Variants in IFT22 observed in about 807,000 individuals in gnomAD.
IFT22 encodes intraflagellar transport protein 22 homolog.
A neutral mutation model predicts 21.0 loss-of-function variants in IFT22; 13 were observed. The ratio of observed to expected loss-of-function variants is 0.62; its 90% confidence interval spans 0.40 to 0.98. IFT22 has a LOEUF of 0.98. IFT22 is among the 50% of genes least tolerant of loss of function. The pLI is 0.00. For synonymous variants in IFT22, 67 were observed against 82.4 expected (o/e 0.81, Z 1.01); for missense variants, 227 against 228.9 (o/e 0.99, Z 0.06).
In IFT22 at chr7:101,318,809, T is replaced by A. The variant is rs1031407210; in HGVS notation, c.116+147A>T. ...ATGCCAACACACCTGGCTAATGTTT[T>A]ATTTTTAGTTGAGACGGGGTCTCCC... On this transcript the variant is annotated intron_variant, in intron 2 of 4. Transcript: ENST00000315322. 3 of 612,262 alleles carry A rather than the reference T, an allele frequency of 4.9e-6. No homozygotes were observed. The African/African-American group carries it at 5.6e-5, about 11-fold the overall frequency. The allele number at this position is 612,262 out of a possible 1,614,324, so 37.9% of individuals were successfully genotyped here. A position where few individuals can be genotyped will look rare whatever the true frequency, so the allele number is the denominator to read the frequency against.
Position 101,312,102 on chromosome 7 carries a change from T to A in IFT22, c.*3032A>T, listed in dbSNP as rs1268782160. On this transcript the variant is annotated 3_prime_UTR_variant, in exon 5 of 5. Transcript: ENST00000315322. The stretch of plus-strand genomic sequence containing the variant: ...TTTACCAATTTGGTGTTATGAAAAA[T>A]TTTTTAGAGGTTGTGTATGGGCTGG... Among the ~76,000 whole-genome samples the A allele has an allele frequency of 6.6e-6, 1 of 151,882 alleles. No homozygotes were observed. Among genetic ancestry groups the A allele is most frequent in the Non-Finnish European group, 1.5e-5 (1 of 68,000 alleles).
chr7:101,321,670 C>A lies in IFT22; in HGVS notation c.39+1G>T, dbSNP rs1584318325. ...CTCTGCCGCGCCGGGCCAGGACTTA[C>A]CTCGCAAGGCCCCACGAAGAGGATC... is the stretch of plus-strand genomic sequence containing the variant. On this transcript the variant is annotated splice_donor_variant, in intron 1 of 4. Coordinates refer to ENST00000315322, the MANE Select transcript of IFT22 (RefSeq NM_022777.4). LOFTEE classifies it high-confidence loss of function. The A allele has an allele frequency of 1.2e-6, 2 of 1,601,432 alleles. No individual in the cohort carries two copies. The highest frequency in any genetic ancestry group is 2.3e-5 in the East Asian group (1 of 44,332).
chr7:101,318,291 G>A (rs1584313546), intron 2 of IFT22, 78 bp from the exon 3 acceptor site: 3 of 1,089,738 alleles, frequency 2.8e-6, no homozygotes, highest in African/African-American at 3.1e-5. Context: ...AGGCCAAGGC[G>A]GGCAGATCAC....
At chr7:101,318,719 C>CTCCA (rs1335408007) in intron 2 of IFT22, 25 of 464,418 alleles carry the variant, frequency 5.4e-5, no homozygotes, top group Non-Finnish European at 8.2e-5. Context: ...TCACTGCAGC[C>CTCCA]TCCAACTCCT....
chr7:101,318,710 C>G, intron 2 of IFT22: 1 of 448,708 alleles, frequency 2.2e-6, no homozygotes. Flanking sequence ...GATCATAGCT[C>G]ACTGCAGCCT....
chr7:101,316,636 CTAT>C (rs1790164001), intron 3 of IFT22, 94 bp from the exon 4 acceptor site: 1 of 1,323,692 alleles, frequency 7.6e-7, no homozygotes, highest in African/African-American at 1.5e-5. Context: ...AAAAGTTGGT[CTAT>C]GACGGCTGGG....
At position 101,313,113 on chromosome 7, in the gene IFT22, C is replaced by T. The variant is rs924035480; in HGVS notation, c.*2021G>A. On this transcript the variant is annotated 3_prime_UTR_variant, in exon 5 of 5. Coordinates refer to ENST00000315322, the MANE Select transcript of IFT22 (RefSeq NM_022777.4). ...ACTCCCAAAGTGTTGGGATTACAGG[C>T]GTAAGCCACTGCACCCGGCCTCCAG... Among the ~76,000 whole-genome samples, 6 of 152,040 alleles carry T rather than the reference C, an allele frequency of 3.9e-5. No homozygotes were observed. Among genetic ancestry groups the T allele is most frequent in the East Asian group, 3.9e-4 (2 of 5,178 alleles).
At chr7:101,316,577 G>GAAACCA in intron 3 of IFT22, 35 bp from the exon 4 acceptor site, 1 of 1,601,616 alleles carries the variant, frequency 6.2e-7, no homozygotes. Flanking sequence ...GGGAAAGTTA[G>GAAACCA]GTCATTCTGG....
rs1399216774 is a variant in IFT22 at position 101,312,061 on chromosome 7, A to G, written c.*3073T>C. 6.6e-6 allele frequency among the ~76,000 whole-genome samples: 1 copy of G among 152,096 alleles called. No individual in the cohort carries two copies. The highest frequency in any genetic ancestry group is 2.4e-5 in the African/African-American group (1 of 41,420). Reference sequence around the variant, plus strand: ...ACCGTATCTAGTGATTCTGTACATTAAATCTTTTGAACATGTTTACCAATT... The same window carrying G: ...ACCGTATCTAGTGATTCTGTACATTGAATCTTTTGAACATGTTTACCAATT... On this transcript the variant is annotated 3_prime_UTR_variant, in exon 5 of 5. Transcript: ENST00000315322.
intron 1 of IFT22, among the ~76,000 whole-genome samples, chr7:101,320,055 C>T (rs1323570826): frequency 6.6e-6 from 1 of 151,852 alleles, no homozygotes; most frequent in Non-Finnish European, 1.5e-5. Context: ...CTCCCGGATT[C>T]AAGCAATTCT....
At chr7:101,316,231 G>T in intron 4 of IFT22, 109 bp downstream of exon 4, 1 of 1,005,638 alleles carries the variant, frequency 9.9e-7, no homozygotes, top group Non-Finnish European at 1.6e-6. Context: ...CTAGGGTACA[G>T]TAGGTGCTCA....
chr7:101,317,746 C>T (rs1397360863), intron 3 of IFT22, among the ~76,000 whole-genome samples: 1 of 151,162 alleles, frequency 6.6e-6, no homozygotes, highest in African/African-American at 2.4e-5. Context: ...GCTAGAAGTC[C>T]AGCTCTGTCG....
intron 2 of IFT22, 190 bp downstream of exon 2, chr7:101,318,766 A>G (rs1436224071): frequency 1.9e-6 from 1 of 540,410 alleles, no homozygotes; most frequent in Non-Finnish European, 3.3e-6. Context: ...CCTAACATGT[A>G]GCTGAGACTA....
chr7:101,320,011 C>CA (rs1045875046), intron 1 of IFT22, among the ~76,000 whole-genome samples: 2 of 151,780 alleles, frequency 1.3e-5, no homozygotes, highest in Non-Finnish European at 2.9e-5. Flanking sequence ...GGCTGGAGTG[C>CA]AATGGCGCGA....
rs151026923 is a variant in IFT22 at position 101,321,725 on chromosome 7, C to T, written c.-16G>A. ...CTTTCAGCATAGTTGTCCGCCGCGG[C>T]TTAGCCGGCCGGAGCCCACGGGAGG... On this transcript the variant is annotated 5_prime_UTR_variant, in exon 1 of 5. Transcript: ENST00000315322. The T allele has an allele frequency of 7.8e-4, 1,240 of 1,590,788 alleles. 12 individuals are homozygous for T. The African/African-American group carries it at 0.012, about 16-fold the overall frequency.
chr7:101,311,944 A>T lies in IFT22; in HGVS notation c.*3190T>A, dbSNP rs1162617651. ...AATCAGTTGAACCCGGAGGGTGGAG[A>T]TTGCAGTGAGACTCTCAAAAAAACA... On this transcript the variant is annotated 3_prime_UTR_variant, in exon 5 of 5. Transcript: ENST00000315322. 3.3e-5 allele frequency among the ~76,000 whole-genome samples: 5 copies of T among 152,116 alleles called. No homozygotes were observed. Among genetic ancestry groups the T allele is most frequent in the African/African-American group, 1.2e-4 (5 of 41,426 alleles).
Position 101,314,990 on chromosome 7 carries a change from G to T in IFT22, c.*144C>A. 1 of 818,680 alleles carries T rather than the reference G, an allele frequency of 1.2e-6. No homozygotes were observed. The highest frequency in any genetic ancestry group is 1.9e-6 in the Non-Finnish European group (1 of 530,654). The allele number at this position is 818,680 out of a possible 1,614,324, so 50.7% of individuals were successfully genotyped here. A position where few individuals can be genotyped will look rare whatever the true frequency, so the allele number is the denominator to read the frequency against. Reference sequence around the variant, plus strand: ...CAGATGGTCTGAGTGAACGCCCTGTGTGACAGGTGCCTTCCTGCAGGTAGG... The same window carrying T: ...CAGATGGTCTGAGTGAACGCCCTGTTTGACAGGTGCCTTCCTGCAGGTAGG... On this transcript the variant is annotated 3_prime_UTR_variant, in exon 5 of 5. Transcript: ENST00000315322.
intron 1 of IFT22, among the ~76,000 whole-genome samples, chr7:101,319,423 A>G (rs1377397201): frequency 1.3e-5 from 2 of 151,798 alleles, no homozygotes; most frequent in South Asian, 4.2e-4. Flanking sequence ...GGGTTTCACC[A>G]TGTTACTCGG....
intron 1 of IFT22, among the ~76,000 whole-genome samples, chr7:101,319,628 G>A (rs1317624465): frequency 7.0e-6 from 1 of 143,670 alleles, no homozygotes; most frequent in Non-Finnish European, 1.5e-5. Flanking sequence ...GATTATATGA[G>A]TAATACACAT....
Sources: gnomAD v4.1 joint callset for allele counts (sites outside exome capture counted in the v4.1 genomes callset) on GRCh38, gnomAD v4.1.1 for gene constraint, MANE v1.5 for transcripts, NCBI Gene and HGNC (gene_info 2026-07-23, HGNC 2026-07-21) for gene names.